Variants in RASEF observed in about 807,000 individuals in gnomAD.
The protein encoded by RASEF is RAS and EF-hand domain containing, also known as ras and EF-hand domain-containing protein.
In RASEF, 68 loss-of-function variants were observed where a neutral mutation model predicts 90.1. The ratio of observed to expected loss-of-function variants is 0.75; its 90% confidence interval spans 0.62 to 0.92. The LOEUF is 0.92. Ranked by LOEUF, RASEF falls within the 40% of genes least tolerant of loss-of-function variation. The pLI is 0.00. For missense variants in RASEF, 949 were observed against 937.2 expected (o/e 1.01, Z -0.16); for synonymous variants, 331 against 345.2 (o/e 0.96, Z 0.46).
At chr9:83,144,339 GAAA>G in the RASEF span, among the ~76,000 whole-genome samples, 2 of 61,522 alleles carry the variant, frequency 3.3e-5, no homozygotes, top group African/African-American at 1.6e-4. Context: ...AAGAAAGAAA[GAAA>G]GAAAGAAAGA....
the RASEF span, among the ~76,000 whole-genome samples, chr9:83,128,463 C>CTT: frequency 2.0e-3 from 266 of 132,386 alleles, 1 homozygote; most frequent in Middle Eastern, 8.3e-3. Flanking sequence ...TTGTTTTAGC[C>CTT]TTTTTTTTTT....
chr9:83,191,096 A>AAGGCCAAACAGAGG, the RASEF span, among the ~76,000 whole-genome samples: 4 of 152,202 alleles, frequency 2.6e-5, no homozygotes, highest in Non-Finnish European at 5.9e-5. Context: ...TTTAGCACTT[A>AAGGCCAAACAGAGG]AGGCCAAACA....
the RASEF span, among the ~76,000 whole-genome samples, chr9:83,137,948 A>T: frequency 6.6e-6 from 1 of 152,014 alleles, no homozygotes; most frequent in South Asian, 2.1e-4. Context: ...TTGGTAGAGG[A>T]TATACAAACT....
the RASEF span, among the ~76,000 whole-genome samples, chr9:83,072,348 C>G: frequency 6.6e-6 from 1 of 152,162 alleles, no homozygotes; most frequent in Non-Finnish European, 1.5e-5. Context: ...TTCCTCTGTC[C>G]AGTATCCTTT....
intron 1 of RASEF, chr9:83,049,222 T>C (rs942053560): frequency 2.6e-5 from 18 of 701,250 alleles, no homozygotes; most frequent in Non-Finnish European, 3.0e-5. Flanking sequence ...AAATCAGATA[T>C]AAACTTCCTT....
chr9:83,085,318 G>T, the RASEF span, among the ~76,000 whole-genome samples: 8 of 152,190 alleles, frequency 5.3e-5, no homozygotes, highest in Admixed American at 3.9e-4. Context: ...TCCATGACAT[G>T]AAATCATTCA....
At chr9:83,190,622 G>T in the RASEF span, among the ~76,000 whole-genome samples, 1 of 152,212 alleles carries the variant, frequency 6.6e-6, no homozygotes. Context: ...TTGCATATTA[G>T]AATTTTTTAA....
intron 1 of RASEF, among the ~76,000 whole-genome samples, chr9:83,031,136 T>C (rs542716151): frequency 2.0e-5 from 3 of 152,354 alleles, no homozygotes; most frequent in African/African-American, 7.2e-5. Flanking sequence ...TTGTTCTTTG[T>C]TACAAAGCCA....
At chr9:83,001,230 AC>A in intron 9 of RASEF, 100 bp from the exon 10 acceptor site, 1 of 791,948 alleles carries the variant, frequency 1.3e-6, no homozygotes. Flanking sequence ...AAGTAGGCCG[AC>A]TGTGGCTAAG....
chr9:82,990,508 T>C (rs769651353), intron 15 of RASEF, 41 bp from the exon 16 acceptor site: 3 of 1,444,564 alleles, frequency 2.1e-6, no homozygotes, highest in Admixed American at 1.8e-5. Context: ...AAGCCCTTCA[T>C]TGAGTTTCCT....
chr9:83,165,242 G>C, the RASEF span, among the ~76,000 whole-genome samples: 17 of 152,106 alleles, frequency 1.1e-4, no homozygotes, highest in African/African-American at 4.1e-4. Flanking sequence ...ACCAAAAACA[G>C]ATCATATTCT....
intron 7 of RASEF, among the ~76,000 whole-genome samples, chr9:83,006,705 C>A (rs2118476178): frequency 6.6e-6 from 1 of 152,066 alleles, no homozygotes; most frequent in East Asian, 1.9e-4. Context: ...GGGAAAAAAA[C>A]CTAAGAAAAA....
the RASEF span, among the ~76,000 whole-genome samples, chr9:83,117,711 AT>A: frequency 6.6e-6 from 1 of 152,172 alleles, no homozygotes; most frequent in African/African-American, 2.4e-5. Context: ...GGGTGAATAC[AT>A]TTTTCCCCAA....
intron 1 of RASEF, among the ~76,000 whole-genome samples, chr9:83,031,797 A>G (rs1460459872): frequency 6.6e-6 from 1 of 152,200 alleles, no homozygotes; most frequent in Non-Finnish European, 1.5e-5. Context: ...ACCTTCTACA[A>G]TTTAGTTTAC....
chr9:83,091,932 A>G, the RASEF span, among the ~76,000 whole-genome samples: 1 of 151,762 alleles, frequency 6.6e-6, no homozygotes, highest in Non-Finnish European at 1.5e-5. Flanking sequence ...AGTTAAAACA[A>G]TAACTACAAA....
chr9:83,093,775 G>C, the RASEF span, among the ~76,000 whole-genome samples: 3 of 152,366 alleles, frequency 2.0e-5, no homozygotes, highest in South Asian at 6.2e-4. Context: ...GTGGGCTGAA[G>C]GGCTCCTCAA....
chr9:83,048,139 C>G, intron 1 of RASEF: 2 of 985,390 alleles, frequency 2.0e-6, no homozygotes, highest in Non-Finnish European at 2.4e-6. Flanking sequence ...GAGGCCTCCA[C>G]GTTTGTAAAC....
chr9:83,009,972 ATTT>A (rs1313254363), intron 5 of RASEF, among the ~76,000 whole-genome samples: 1 of 152,142 alleles, frequency 6.6e-6, no homozygotes, highest in East Asian at 1.9e-4. Flanking sequence ...GTCATTCTTC[ATTT>A]TTTTATGCTT....
chr9:83,029,666 C>T (rs10121156), intron 1 of RASEF, among the ~76,000 whole-genome samples: 72,600 of 151,226 alleles, frequency 0.48, 17,568 homozygotes, highest in East Asian at 0.63. Context: ...CCACCTCGCC[C>T]TCCCAAAGTG....
Sources: allele counts gnomAD v4.1 joint callset (sites outside exome capture counted in the v4.1 genomes callset), GRCh38; gene constraint gnomAD v4.1.1; transcripts MANE v1.5; gene names NCBI Gene and HGNC (gene_info 2026-07-23, HGNC 2026-07-21).